The following SV2C variants were observed in gnomAD, a reference collection of about 807,000 sequenced individuals.
The protein encoded by SV2C is synaptic vesicle glycoprotein 2C.
In SV2C, 49 loss-of-function variants were observed where a neutral mutation model predicts 79.7. The ratio of observed to expected loss-of-function variants is 0.61; its 90% CI spans 0.49 to 0.78. The LOEUF (loss-of-function observed/expected upper bound fraction) is 0.78, where lower values mean the gene tolerates loss of function less well. SV2C is among the 30% of genes least tolerant of loss of function. The pLI is 0.00. For missense variants in SV2C, 833 were observed against 912.9 expected, an observed-to-expected ratio of 0.91 and a Z score of 1.13; for synonymous variants, 334 against 333.2, an observed-to-expected ratio of 1.00 and a Z score of -0.03.
chr5:76,296,402 G>A (rs905478901), intron 9 of SV2C, among the ~76,000 whole-genome samples: 1 of 152,142 alleles, frequency 6.6e-6, no homozygotes, highest in Non-Finnish European at 1.5e-5. Flanking sequence ...CCAGAATTGA[G>A]GTTAAATTGC....
At chr5:75,976,954 A>T in the SV2C span, among the ~76,000 whole-genome samples, 1 of 152,236 alleles carries the variant, frequency 6.6e-6, no homozygotes, top group African/African-American at 2.4e-5. Flanking sequence ...AAGGATGCTC[A>T]TTACAAGTCA....
At chr5:76,181,423 T>G (rs1455524356) in intron 2 of SV2C, among the ~76,000 whole-genome samples, 2 of 152,202 alleles carry the variant, frequency 1.3e-5, no homozygotes, top group Non-Finnish European at 2.9e-5. Flanking sequence ...TATTAGTCTG[T>G]TTTCACACTG....
In SV2C at chr5:76,130,121, T is replaced by C. The variant is rs1321253322; in HGVS notation, c.-101-1529T>C. Among the ~76,000 whole-genome samples the C allele has an allele frequency of 1.6e-3, 174 of 112,114 alleles. 1 individual carries two copies. The highest frequency in any genetic ancestry group is 5.7e-3 in the African/African-American group (161 of 28,264). The allele number at this position is 112,114 out of a possible 152,430, so 73.6% of individuals were successfully genotyped here. A position where few individuals can be genotyped will look rare whatever the true frequency, so the allele number is the denominator to read the frequency against. ...ATGGATTTTCCCATGTCTCTCTTCC[T>C]CCCTTTCTCTTCCTCTCAGTTCTTA... On this transcript the variant is annotated intron_variant, in intron 1 of 12. Transcript: ENST00000502798.
the SV2C span, chr5:75,920,650 G>A: frequency 3.1e-6 from 2 of 636,328 alleles, no homozygotes; most frequent in South Asian, 1.8e-5. Context: ...TGGGGGGTGG[G>A]TGGGAGGAAC....
intron 4 of SV2C, among the ~76,000 whole-genome samples, chr5:76,231,954 G>C (rs1745436028): frequency 6.9e-6 from 1 of 143,958 alleles, no homozygotes; most frequent in South Asian, 2.1e-4. Context: ...TATATACCAA[G>C]TAATGGGATG....
intron 12 of SV2C, among the ~76,000 whole-genome samples, chr5:76,306,677 A>G (rs1019822910): frequency 2.0e-5 from 3 of 152,228 alleles, no homozygotes; most frequent in Non-Finnish European, 4.4e-5. Context: ...AAAATACCAT[A>G]GGCACATATA....
chr5:76,105,242 G>T (rs2112126903), intron 1 of SV2C, among the ~76,000 whole-genome samples: 1 of 152,272 alleles, frequency 6.6e-6, no homozygotes, highest in African/African-American at 2.4e-5. Context: ...AAAGCCTCCA[G>T]AGGGAGCATT....
chr5:76,257,140 T>C (rs1210533089), intron 4 of SV2C, among the ~76,000 whole-genome samples: 1 of 124,330 alleles, frequency 8.0e-6, no homozygotes, highest in South Asian at 2.4e-4. Context: ...AGCAAAGAAA[T>C]TCCTTGATGT....
At chr5:76,297,741 C>T (rs547984084) in intron 9 of SV2C, among the ~76,000 whole-genome samples, 2 of 152,206 alleles carry the variant, frequency 1.3e-5, no homozygotes, top group South Asian at 2.1e-4. Context: ...AACCAACACA[C>T]GTAATTGGGT....
chr5:76,175,392 G>T (rs1743492591), intron 2 of SV2C, among the ~76,000 whole-genome samples: 3 of 152,118 alleles, frequency 2.0e-5, no homozygotes, highest in Non-Finnish European at 4.4e-5. Flanking sequence ...ATTAAAAAGG[G>T]AATTTGTCCT....
At chr5:76,017,756 C>A in the SV2C span, among the ~76,000 whole-genome samples, 1 of 152,160 alleles carries the variant, frequency 6.6e-6, no homozygotes, top group Non-Finnish European at 1.5e-5. Context: ...TAGGGGAAAG[C>A]TAAAATCCAC....
the SV2C span, among the ~76,000 whole-genome samples, chr5:76,001,654 G>A: frequency 5.9e-5 from 9 of 152,092 alleles, no homozygotes; most frequent in Admixed American, 2.0e-4. Flanking sequence ...TTGTAAATAC[G>A]CTATTTACAG....
the SV2C span, among the ~76,000 whole-genome samples, chr5:75,863,183 A>G: frequency 6.6e-6 from 1 of 152,194 alleles, no homozygotes; most frequent in Non-Finnish European, 1.5e-5. Flanking sequence ...GGCTGATTTC[A>G]TGCTACCAAG....
chr5:76,101,063 A>G (rs1045653399), intron 1 of SV2C, among the ~76,000 whole-genome samples: 1 of 151,156 alleles, frequency 6.6e-6, no homozygotes, highest in African/African-American at 2.4e-5. Flanking sequence ...ATCAGGCCAA[A>G]AGAGGGAGAT....
chr5:76,212,801 C>T (rs1042190622), intron 4 of SV2C, among the ~76,000 whole-genome samples: 1 of 152,168 alleles, frequency 6.6e-6, no homozygotes, highest in Non-Finnish European at 1.5e-5. Flanking sequence ...TCACACATCC[C>T]TGCCCTTGAA....
rs11436839 is a variant in SV2C at position 76,301,908 on chromosome 5, C to CAAA, written c.2000+383_2000+385dup. On this transcript the variant is annotated intron_variant, in intron 12 of 12. Coordinates refer to ENST00000502798, the MANE Select transcript of SV2C (RefSeq NM_014979.4). ...TGGGCAACAGAGTGAGACACCATCT[C>CAAA]AAAAAAAAAAAAAAAAAAAAAAGCC... Among the ~76,000 whole-genome samples the CAAA allele has an allele frequency of 2.6e-3, 106 of 40,722 alleles. 1 individual carries two copies. The highest frequency in any genetic ancestry group is 4.5e-3 in the East Asian group (5 of 1,122). The allele number at this position is 40,722 out of a possible 152,430, so 26.7% of individuals were successfully genotyped here. A position where few individuals can be genotyped will look rare whatever the true frequency, so the allele number is the denominator to read the frequency against.
the SV2C span, chr5:75,911,491 T>G: frequency 2.8e-5 from 22 of 796,990 alleles, no homozygotes; most frequent in South Asian, 3.7e-4. Flanking sequence ...TCCTCCAGCC[T>G]CTGGAGGGGG....
At chr5:76,346,510 C>G (rs1749543133) in intron 12 of SV2C, among the ~76,000 whole-genome samples, 1 of 152,198 alleles carries the variant, frequency 6.6e-6, no homozygotes, top group South Asian at 2.1e-4. Flanking sequence ...CAAATTACCC[C>G]CAGGGAGAGA....
the SV2C span, among the ~76,000 whole-genome samples, chr5:75,889,067 C>A: frequency 6.6e-6 from 1 of 151,978 alleles, no homozygotes; most frequent in African/African-American, 2.4e-5. Context: ...TAAGTTAGTT[C>A]CACCCTAGTG....
Sources: allele counts gnomAD v4.1 joint callset (sites outside exome capture counted in the v4.1 genomes callset), GRCh38; gene constraint gnomAD v4.1.1; transcripts MANE v1.5; gene names NCBI Gene and HGNC (gene_info 2026-07-23, HGNC 2026-07-21).